Variants in SLC22A16 observed in about 807,000 individuals in gnomAD.
SLC22A16 encodes WUGSC:RG331P03.1.
Under a neutral mutation model 52.9 loss-of-function variants are expected in SLC22A16, and 53 were observed. The observed-to-expected ratio is 1.00, with a 90% CI of 0.80 to 1.26. The LOEUF is 1.26. Among genes scored for constraint, SLC22A16 ranks in the 50% most tolerant of loss-of-function variants. SLC22A16 has a pLI of 0.00. For synonymous variants in SLC22A16, 291 were observed against 268.8 expected (o/e 1.08, Z -0.81); for missense variants, 726 against 704.0 (o/e 1.03, Z -0.35).
At chr6:110,453,294 G>T (rs577574069) in intron 2 of SLC22A16, among the ~76,000 whole-genome samples, 34 of 152,236 alleles carry the variant, frequency 2.2e-4, no homozygotes, top group African/African-American at 6.7e-4. Flanking sequence ...GCTGCCAGTT[G>T]TTTCTGTTGA....
At chr6:110,453,678 G>A (rs1386533267) in intron 2 of SLC22A16, 1 of 456,112 alleles carries the variant, frequency 2.2e-6, no homozygotes, top group Non-Finnish European at 4.4e-6. Context: ...TTTGTACCAA[G>A]CAGTTAGGAA....
At chr6:110,466,003 C>T (rs1186311290) in intron 1 of SLC22A16, among the ~76,000 whole-genome samples, 1 of 152,022 alleles carries the variant, frequency 6.6e-6, no homozygotes, top group African/African-American at 2.4e-5. Flanking sequence ...ACCAACTGAT[C>T]GTCAACAAAA....
intron 7 of SLC22A16, among the ~76,000 whole-genome samples, chr6:110,427,259 A>AG (rs1774297774): frequency 1.4e-5 from 2 of 145,154 alleles, no homozygotes; most frequent in Non-Finnish European, 3.0e-5. Context: ...AAAAAAAAAA[A>AG]AAAAAGAAAA....
chr6:110,441,985 T>G (rs1774984618), intron 4 of SLC22A16, among the ~76,000 whole-genome samples: 1 of 152,216 alleles, frequency 6.6e-6, no homozygotes, highest in Non-Finnish European at 1.5e-5. Flanking sequence ...ATGGCAATCA[T>G]GTTGAGAAAG....
At chr6:110,467,954 T>C (rs1776128391) in intron 1 of SLC22A16, among the ~76,000 whole-genome samples, 1 of 152,202 alleles carries the variant, frequency 6.6e-6, no homozygotes, top group African/African-American at 2.4e-5. Context: ...TCCTCACAGA[T>C]AACTGCCAGG....
intron 2 of SLC22A16, 138 bp downstream of exon 2, chr6:110,456,400 T>C (rs1027724909): frequency 5.6e-6 from 6 of 1,070,618 alleles, no homozygotes; most frequent in African/African-American, 4.8e-5. Flanking sequence ...CCCTAAATAA[T>C]GGATCAGCAA....
intron 1 of SLC22A16, among the ~76,000 whole-genome samples, chr6:110,470,497 C>G (rs1223507757): frequency 1.3e-5 from 2 of 152,154 alleles, no homozygotes; most frequent in Non-Finnish European, 2.9e-5. Flanking sequence ...ATCCTTCCCA[C>G]TGACCCCATT....
intron 1 of SLC22A16, among the ~76,000 whole-genome samples, chr6:110,473,858 C>T (rs1219124830): frequency 6.6e-6 from 1 of 151,850 alleles, no homozygotes; most frequent in Non-Finnish European, 1.5e-5. Flanking sequence ...TAGAATAGTG[C>T]TTCCTTATTC....
At chr6:110,459,177 T>C (rs1467464744) in intron 1 of SLC22A16, among the ~76,000 whole-genome samples, 2 of 152,150 alleles carry the variant, frequency 1.3e-5, no homozygotes, top group African/African-American at 4.8e-5. Flanking sequence ...CTCCAGGAAG[T>C]AGAGTTTAAT....
intron 4 of SLC22A16, among the ~76,000 whole-genome samples, chr6:110,440,914 A>T (rs1774940189): frequency 6.6e-6 from 1 of 152,248 alleles, no homozygotes; most frequent in Non-Finnish European, 1.5e-5. Context: ...CACTAAGAAG[A>T]ATAAGATATC....
At chr6:110,460,852 G>A (rs1309177873) in intron 1 of SLC22A16, among the ~76,000 whole-genome samples, 1 of 152,208 alleles carries the variant, frequency 6.6e-6, no homozygotes, top group African/African-American at 2.4e-5. Context: ...CTAGCCCTCA[G>A]TGCAGGTTTC....
chr6:110,457,115 T>C (rs1775692268), intron 1 of SLC22A16, 98 bp from the exon 2 acceptor site: 11 of 1,154,544 alleles, frequency 9.5e-6, no homozygotes, highest in Non-Finnish European at 1.3e-5. Context: ...TCTTAACATA[T>C]ACACGAATGG....
chr6:110,428,054 G>A (rs939856738), intron 7 of SLC22A16, among the ~76,000 whole-genome samples: 6 of 150,814 alleles, frequency 4.0e-5, no homozygotes, highest in Admixed American at 6.6e-5. Flanking sequence ...AGCTAATTAC[G>A]TGTCCACCTT....
At chr6:110,428,992 G>T (rs541819861) in intron 7 of SLC22A16, among the ~76,000 whole-genome samples, 1 of 152,102 alleles carries the variant, frequency 6.6e-6, no homozygotes, top group Non-Finnish European at 1.5e-5. Flanking sequence ...TTCTGAGTCC[G>T]TAGTCCTTAA....
intron 2 of SLC22A16, chr6:110,455,642 T>G (rs1280925272): frequency 1.3e-5 from 2 of 152,330 alleles, no homozygotes; most frequent in African/African-American, 2.4e-5. Context: ...TTCATTTTAA[T>G]GTAAATTTTT....
At chr6:110,457,284 C>T (rs370664784) in intron 1 of SLC22A16, among the ~76,000 whole-genome samples, 12 of 152,024 alleles carry the variant, frequency 7.9e-5, no homozygotes, top group African/African-American at 2.4e-4. Context: ...TACCATTCTC[C>T]AATGAGAGGA....
chr6:110,437,725 T>C (rs1285016932), intron 5 of SLC22A16, among the ~76,000 whole-genome samples: 1 of 152,176 alleles, frequency 6.6e-6, no homozygotes, highest in African/African-American at 2.4e-5. Context: ...AAATCAAGAA[T>C]TAAAATACAG....
At chr6:110,459,837 A>G (rs1775803789) in intron 1 of SLC22A16, among the ~76,000 whole-genome samples, 1 of 152,232 alleles carries the variant, frequency 6.6e-6, no homozygotes, top group South Asian at 2.1e-4. Context: ...CCAAATTTAT[A>G]GACTCAAACC....
chr6:110,476,269 T>A lies in SLC22A16; in HGVS notation c.53+253A>T, dbSNP rs897186885. 2.5e-6 allele frequency: 3 copies of A among 1,205,828 alleles called. No homozygotes were observed. In the African/African-American group the frequency reaches 4.6e-5, roughly 19 times the overall value. 74.7% of individuals were successfully genotyped at this position (1,205,828 alleles called of 1,614,324 possible). On this transcript the variant is annotated intron_variant, in intron 1 of 7. Transcript: ENST00000368919. The stretch of plus-strand genomic sequence containing the variant: ...CGGAGAGCACGCACCAGGTCCCTCC[T>A]GCCCGGCAACAGGCGCACTCCGAGC...
Sources: allele counts gnomAD v4.1 joint callset (sites outside exome capture counted in the v4.1 genomes callset), GRCh38; gene constraint gnomAD v4.1.1; transcripts MANE v1.5; gene names NCBI Gene and HGNC (gene_info 2026-07-23, HGNC 2026-07-21).